The following TRAPPC9 variants were observed in gnomAD, a reference collection of about 807,000 sequenced individuals.
TRAPPC9 encodes IKK2 binding protein.
A neutral mutation model predicts 124.0 loss-of-function variants in TRAPPC9; 83 were observed. The ratio of observed to expected loss-of-function variants is 0.67; its 90% confidence interval spans 0.56 to 0.80. The LOEUF is 0.80. TRAPPC9 is among the 30% of genes least tolerant of loss of function. The probability of loss-of-function intolerance (pLI) is 0.00; values close to 1 mark genes in which losing one functional copy is unlikely to be tolerated. For missense variants in TRAPPC9, 1,302 were observed against 1,508.3 expected (o/e 0.86, Z 2.27); for synonymous variants, 638 against 617.5 (o/e 1.03, Z -0.49).
chr8:139,937,112 A>G (rs1297503159), intron 19 of TRAPPC9, among the ~76,000 whole-genome samples: 3 of 151,442 alleles, frequency 2.0e-5, no homozygotes, highest in Non-Finnish European at 4.4e-5. Flanking sequence ...GCTGGAGGGG[A>G]GCAAAGTCAG....
intron 17 of TRAPPC9, among the ~76,000 whole-genome samples, chr8:140,189,425 A>T (rs1419503155): frequency 6.6e-6 from 1 of 152,224 alleles, no homozygotes; most frequent in Admixed American, 6.5e-5. Flanking sequence ...GCCTCGAACA[A>T]GAGGGGAGGC....
chr8:139,744,669 T>TGC (rs1432546831), intron 21 of TRAPPC9, among the ~76,000 whole-genome samples: 1 of 152,186 alleles, frequency 6.6e-6, no homozygotes, highest in East Asian at 1.9e-4. Context: ...CCAAATGGCA[T>TGC]GCGTTTTTAA....
At chr8:140,342,128 T>C (rs1377297474) in intron 9 of TRAPPC9, among the ~76,000 whole-genome samples, 1 of 152,200 alleles carries the variant, frequency 6.6e-6, no homozygotes, top group South Asian at 2.1e-4. Flanking sequence ...TGGCACTCTG[T>C]GCAGCAGATG....
At chr8:139,732,280 C>A in intron 21 of TRAPPC9, 78 bp from the exon 22 acceptor site, 1 of 1,324,030 alleles carries the variant, frequency 7.6e-7, no homozygotes, top group Non-Finnish European at 1.0e-6. Flanking sequence ...CTCGCTGATT[C>A]ATTCATTTCT....
intron 14 of TRAPPC9, among the ~76,000 whole-genome samples, chr8:140,280,320 T>G (rs2065268937): frequency 6.6e-6 from 1 of 152,230 alleles, no homozygotes; most frequent in Non-Finnish European, 1.5e-5. Flanking sequence ...AAATTCATCT[T>G]TCTAAACAGC....
chr8:139,809,440 CCAGA>C (rs1202491274), intron 21 of TRAPPC9, among the ~76,000 whole-genome samples: 1 of 152,190 alleles, frequency 6.6e-6, no homozygotes, highest in African/African-American at 2.4e-5. Context: ...ACTTCCTGCG[CCAGA>C]CAGGAGGCAG....
Position 139,730,935 on chromosome 8 carries a change from T to C in TRAPPC9, c.*126A>G. The C allele has an allele frequency of 9.8e-7, 1 of 1,024,830 alleles. No individual in the cohort carries two copies. Among genetic ancestry groups the C allele is most frequent in the Non-Finnish European group, 1.4e-6 (1 of 724,528 alleles). 63.5% of individuals were successfully genotyped at this position (1,024,830 alleles called of 1,614,324 possible). ...TACAGGAGGAACAGGAGGAGAGGGCTGGGAGGGGTCTGGGGGAGGAGGAGG... is the reference window on the plus strand; with the variant it reads ...TACAGGAGGAACAGGAGGAGAGGGCCGGGAGGGGTCTGGGGGAGGAGGAGG... On this transcript the variant is annotated 3_prime_UTR_variant, in exon 23 of 23. Transcript: ENST00000438773.
intron 21 of TRAPPC9, among the ~76,000 whole-genome samples, chr8:139,853,974 C>G (rs1427398674): frequency 6.6e-6 from 1 of 152,076 alleles, no homozygotes; most frequent in African/African-American, 2.4e-5. Context: ...CTATATTATA[C>G]CAAAATATTA....
intron 16 of TRAPPC9, among the ~76,000 whole-genome samples, chr8:140,232,895 G>T (rs1028650722): frequency 2.0e-5 from 3 of 152,214 alleles, no homozygotes; most frequent in African/African-American, 7.2e-5. Context: ...AATAAAGGAA[G>T]AATGGTGGTT....
intron 8 of TRAPPC9, among the ~76,000 whole-genome samples, chr8:140,365,635 T>C (rs907254197): frequency 1.3e-5 from 2 of 152,206 alleles, no homozygotes; most frequent in African/African-American, 4.8e-5. Flanking sequence ...CCGCACAGGC[T>C]GCAACTGCAC....
intron 21 of TRAPPC9, among the ~76,000 whole-genome samples, chr8:139,804,100 TCAC>T (rs200507066): frequency 0.12 from 8,102 of 70,438 alleles, 374 homozygotes; most frequent in East Asian, 0.2. Context: ...CCACCACCAC[TCAC>T]CACCACCACC....
chr8:139,828,233 G>T (rs1825765934), intron 21 of TRAPPC9, among the ~76,000 whole-genome samples: 1 of 152,188 alleles, frequency 6.6e-6, no homozygotes, highest in South Asian at 2.1e-4. Context: ...GTCTGCTGAG[G>T]GTCACACTGT....
chr8:139,951,118 T>A (rs1487572793), intron 19 of TRAPPC9, among the ~76,000 whole-genome samples: 1 of 152,114 alleles, frequency 6.6e-6, no homozygotes, highest in African/African-American at 2.4e-5. Flanking sequence ...TTCTTCCTCC[T>A]AAGAAGTTGG....
chr8:139,798,372 T>TTTAAACAGAA (rs1466383097), intron 21 of TRAPPC9, among the ~76,000 whole-genome samples: 1 of 152,210 alleles, frequency 6.6e-6, no homozygotes, highest in African/African-American at 2.4e-5. Context: ...AATAGAGACT[T>TTTAAACAGAA]TTAAACAGAG....
At chr8:140,213,215 TTC>T (rs1175868491) in intron 17 of TRAPPC9, among the ~76,000 whole-genome samples, 2 of 152,174 alleles carry the variant, frequency 1.3e-5, no homozygotes, top group African/African-American at 4.8e-5. Context: ...TAACAAAACA[TTC>T]TGTTTCCTAA....
chr8:140,261,317 G>A (rs1047861261), intron 15 of TRAPPC9, among the ~76,000 whole-genome samples: 1 of 152,194 alleles, frequency 6.6e-6, no homozygotes, highest in Admixed American at 6.5e-5. Flanking sequence ...AGGTTCTGGG[G>A]ACAGAGATAA....
intron 17 of TRAPPC9, among the ~76,000 whole-genome samples, chr8:140,130,820 A>G (rs541893281): frequency 7.2e-5 from 11 of 152,320 alleles, no homozygotes; most frequent in African/African-American, 2.4e-4. Context: ...CTATGCTTCA[A>G]TCTTCTGTAA....
At chr8:140,328,680 G>A (rs903025999) in intron 9 of TRAPPC9, among the ~76,000 whole-genome samples, 2 of 151,008 alleles carry the variant, frequency 1.3e-5, no homozygotes, top group Admixed American at 1.3e-4. Context: ...AACTTACTCA[G>A]GTAACCAAAT....
In TRAPPC9 at chr8:140,033,686, T is replaced by G. The variant is rs1056183521; in HGVS notation, c.2557-9607A>C. Reference sequence around the variant, plus strand: ...TTTTTTTTTTTTTTTTTTTTTTTTTTTTTTTTTTTTTTTGAGACAGAGTCT... The same window carrying G: ...TTTTTTTTTTTTTTTTTTTTTTTTTGTTTTTTTTTTTTTGAGACAGAGTCT... On this transcript the variant is annotated intron_variant, in intron 17 of 22. Transcript: ENST00000438773. Among the ~76,000 whole-genome samples the G allele has an allele frequency of 4.3e-3, 506 of 117,974 alleles. 16 individuals are homozygous for G. The highest frequency in any genetic ancestry group is 6.6e-3 in the Non-Finnish European group (389 of 59,352). The allele number at this position is 117,974 out of a possible 152,430, so 77.4% of individuals were successfully genotyped here.
Sources: allele counts gnomAD v4.1 joint callset (sites outside exome capture counted in the v4.1 genomes callset), GRCh38; gene constraint gnomAD v4.1.1; transcripts MANE v1.5; gene names NCBI Gene and HGNC (gene_info 2026-07-23, HGNC 2026-07-21).